ARHGEF10L: variants seen among roughly 807,000 people sequenced by gnomAD.
ARHGEF10L encodes Rho guanine nucleotide exchange factor 10 like, also known as rho guanine nucleotide exchange factor 10-like protein.
ARHGEF10L carries 69 observed loss-of-function variants against 141.2 expected under a neutral mutation model. That is an observed-to-expected ratio of 0.49 (90% CI 0.40 to 0.60). The LOEUF is 0.60. ARHGEF10L is among the 20% of genes least tolerant of loss of function. The pLI is 0.00. For synonymous variants in ARHGEF10L, 711 were observed against 718.5 expected (o/e 0.99, Z 0.17); for missense variants, 1,482 against 1,734.3 (o/e 0.85, Z 2.58).
At chr1:17,614,681 C>G (rs543840804) in intron 8 of ARHGEF10L, among the ~76,000 whole-genome samples, 1 of 152,008 alleles carries the variant, frequency 6.6e-6, no homozygotes, top group South Asian at 2.1e-4. Flanking sequence ...TATGATTACT[C>G]CCCTTGCCCA....
intron 26 of ARHGEF10L, among the ~76,000 whole-genome samples, chr1:17,671,281 G>T (rs1024476507): frequency 2.6e-5 from 4 of 151,958 alleles, no homozygotes. Flanking sequence ...AGTTAGGGAA[G>T]TGTCCTGGGA....
chr1:17,518,978 C>G, the ARHGEF10L span, among the ~76,000 whole-genome samples: 1 of 148,548 alleles, frequency 6.7e-6, no homozygotes, highest in Non-Finnish European at 1.5e-5. Context: ...GAGACCAGCC[C>G]CAGCCTGACC....
At chr1:17,636,493 C>G (rs142532817) in intron 18 of ARHGEF10L, among the ~76,000 whole-genome samples, 72 of 152,296 alleles carry the variant, frequency 4.7e-4, no homozygotes, top group African/African-American at 1.6e-3. Context: ...TTTGCTGAAA[C>G]CAATTTGTTC....
intron 15 of ARHGEF10L, among the ~76,000 whole-genome samples, chr1:17,631,625 T>TGTGTCATCACATGTGACCC (rs2060696953): frequency 6.6e-6 from 1 of 152,238 alleles, no homozygotes; most frequent in African/African-American, 2.4e-5. Context: ...GGCCATGACC[T>TGTGTCATCACATGTGACCC]GTGTCATCAC....
chr1:17,603,319 G>A lies in ARHGEF10L; in HGVS notation c.350-189G>A, dbSNP rs1222125232. On this transcript the variant is annotated intron_variant, in intron 5 of 28. Coordinates refer to ENST00000361221, the MANE Select transcript of ARHGEF10L (RefSeq NM_018125.4). The surrounding 1 kb of genome is among the most constrained non-coding windows in gnomAD (Gnocchi z 4.8). ...ACTGGGAGGGCGCCTTGGAGGGGGT[G>A]GGGGGCGGGGAGAAGCGAGGGAGCC... 3.0e-5 allele frequency among the ~76,000 whole-genome samples: 4 copies of A among 131,368 alleles called. No individual in the cohort carries two copies. The highest frequency in any genetic ancestry group is 7.8e-5 in the Admixed American group (1 of 12,874). The allele number at this position is 131,368 out of a possible 152,430, so 86.2% of individuals were successfully genotyped here.
intron 1 of ARHGEF10L, among the ~76,000 whole-genome samples, chr1:17,554,516 C>T (rs2077230037): frequency 6.6e-6 from 1 of 151,982 alleles, no homozygotes; most frequent in Non-Finnish European, 1.5e-5. Flanking sequence ...ATGCCAGACC[C>T]AGCAATAGAA....
At chr1:17,642,030 A>C (rs2061357357) in intron 21 of ARHGEF10L, among the ~76,000 whole-genome samples, 1 of 152,032 alleles carries the variant, frequency 6.6e-6, no homozygotes, top group South Asian at 2.1e-4. Flanking sequence ...GACCTATGTC[A>C]CTGGTTTTCA....
At position 17,562,433 on chromosome 1, in the gene ARHGEF10L, A is replaced by G. The variant is rs192359518; in HGVS notation, c.-43-18120A>G. Among the ~76,000 whole-genome samples the G allele has an allele frequency of 3.4e-3, 466 of 136,338 alleles. 4 individuals carry two copies. The highest frequency in any genetic ancestry group is 0.011 in the African/African-American group (432 of 37,756). 89.4% of individuals were successfully genotyped at this position (136,338 alleles called of 152,430 possible). On this transcript the variant is annotated intron_variant, in intron 1 of 28. Coordinates refer to ENST00000361221, the MANE Select transcript of ARHGEF10L (RefSeq NM_018125.4). ...CCTTGTCTCAAACAAACAAACAAAA[A>G]GAGTGGGGAGTCAAGTGGGGCCCTG...
intron 6 of ARHGEF10L, among the ~76,000 whole-genome samples, chr1:17,606,615 T>TAA (rs1165967318): frequency 6.9e-6 from 1 of 144,136 alleles, no homozygotes; most frequent in African/African-American, 2.6e-5. Context: ...TTTTTTTTTT[T>TAA]AAAAAAACAC....
chr1:17,588,776 G>A (rs2079249924), intron 4 of ARHGEF10L, among the ~76,000 whole-genome samples: 1 of 151,184 alleles, frequency 6.6e-6, no homozygotes, highest in African/African-American at 2.4e-5. Context: ...TCTGTTTGCG[G>A]CTGAAGGGGA....
At chr1:17,696,427 G>A (rs977018679) in intron 28 of ARHGEF10L, among the ~76,000 whole-genome samples, 7 of 152,120 alleles carry the variant, frequency 4.6e-5, no homozygotes, top group Admixed American at 6.5e-5. Context: ...GTGCTGGGAT[G>A]AGGGTGCTCC....
intron 15 of ARHGEF10L, among the ~76,000 whole-genome samples, chr1:17,631,998 A>C (rs1486660351): frequency 6.6e-6 from 1 of 152,204 alleles, no homozygotes; most frequent in Admixed American, 6.5e-5. Context: ...TGTCCTTGGC[A>C]GTGGCAATCA....
Position 17,558,783 on chromosome 1 carries a change from T to A in ARHGEF10L, c.-44+18833T>A, listed in dbSNP as rs1371694686. Among the ~76,000 whole-genome samples the A allele has an allele frequency of 6.6e-6, 1 of 152,206 alleles. No individual in the cohort carries two copies. The highest frequency in any genetic ancestry group is 1.5e-5 in the Non-Finnish European group (1 of 68,040). On this transcript the variant is annotated intron_variant, in intron 1 of 28. Coordinates refer to ENST00000361221, the MANE Select transcript of ARHGEF10L (RefSeq NM_018125.4). The surrounding 1 kb of genome is among the most constrained non-coding windows in gnomAD (Gnocchi z 4.2). ...GAGATGAGTCAGAAAGGATGCCCTG[T>A]GAACCTCACTGAGGAGCTGTGGCTC...
intron 1 of ARHGEF10L, among the ~76,000 whole-genome samples, chr1:17,540,678 C>T (rs1237664634): frequency 6.6e-6 from 1 of 152,174 alleles, no homozygotes; most frequent in Admixed American, 6.5e-5. Flanking sequence ...TCGAATCTTC[C>T]TTTGGCCCTG....
chr1:17,670,028 C>G (rs74716423), intron 26 of ARHGEF10L, among the ~76,000 whole-genome samples: 6 of 152,296 alleles, frequency 3.9e-5, no homozygotes, highest in African/African-American at 1.4e-4. Context: ...CTCGGCTATG[C>G]GGGTGAGTTG....
intron 1 of ARHGEF10L, among the ~76,000 whole-genome samples, chr1:17,556,534 G>A (rs997012955): frequency 1.3e-5 from 2 of 152,190 alleles, no homozygotes; most frequent in African/African-American, 4.8e-5. Context: ...GGTTTGCTGG[G>A]TTTCTTGGGG....
chr1:17,661,325 G>A (rs1364283284), intron 25 of ARHGEF10L, among the ~76,000 whole-genome samples: 3 of 152,194 alleles, frequency 2.0e-5, no homozygotes, highest in African/African-American at 7.2e-5. Flanking sequence ...TGATCCGGCC[G>A]CCCCGGCCTC....
In ARHGEF10L at chr1:17,687,623, G is replaced by A. The variant is rs1308612581; in HGVS notation, c.3060G>A (p.Val1020=). 1.2e-6 allele frequency: 2 copies of A among 1,613,004 alleles called. No homozygotes were observed. Among genetic ancestry groups the A allele is most frequent in the African/African-American group, 2.7e-5 (2 of 74,922 alleles). Residue 1020 remains valine (V), a synonymous_variant, in exon 27 of 29, where the codon GTG becomes GTA. Transcript: ENST00000361221. ...AGGCAGTGAGCGTGACACACATGGT[G>A]AAGGCGGGCAGCGGCGTCTGGATGG... ...QDEAVSVTHM[V]KAGSGVWMAF... is the part of the protein sequence containing the mutation.
Position 17,619,787 on chromosome 1 carries a change from G to A in ARHGEF10L, c.942+342G>A, listed in dbSNP as rs942276539. Among the ~76,000 whole-genome samples, 8 of 152,144 alleles carry A rather than the reference G, an allele frequency of 5.3e-5. No individual in the cohort carries two copies. Among genetic ancestry groups the A allele is most frequent in the Non-Finnish European group, 1.0e-4 (7 of 68,030 alleles). ...AGAATGAGATGGGATCCAGACTCAG[G>A]TGAGGCTGCAGGTGTGTAGGTGCCC... is the stretch of plus-strand genomic sequence containing the variant. On this transcript the variant is annotated intron_variant, in intron 10 of 28. Coordinates refer to ENST00000361221, the MANE Select transcript of ARHGEF10L (RefSeq NM_018125.4). The surrounding 1 kb of genome is among the most constrained non-coding windows in gnomAD (Gnocchi z 5.0).
Sources: gnomAD v4.1 joint callset for allele counts (sites outside exome capture counted in the v4.1 genomes callset) on GRCh38, gnomAD v4.1.1 for gene constraint, Gnocchi (gnomAD v3.1) non-coding constraint, MANE v1.5 for transcripts, NCBI Gene and HGNC (gene_info 2026-07-23, HGNC 2026-07-21) for gene names.